Variants in TJP2 observed in about 807,000 individuals in gnomAD.
The protein encoded by TJP2 is Friedreich ataxia region gene X104 (tight junction protein ZO-2).
A neutral mutation model predicts 133.1 loss-of-function variants in TJP2; 91 were observed. That is an observed-to-expected ratio of 0.68 (90% CI 0.58 to 0.81). The LOEUF (loss-of-function observed/expected upper bound fraction) is 0.81. Ranked by LOEUF, TJP2 falls within the 40% of genes least tolerant of loss-of-function variation. The pLI, the probability that TJP2 is intolerant of heterozygous loss-of-function variation, is 0.00. For missense variants in TJP2, 1,541 were observed against 1,565.6 expected (o/e 0.98, Z 0.26); for synonymous variants, 592 against 583.4 (o/e 1.01, Z -0.21).
At chr9:69,173,554 AT>A (rs970661001), upstream of TJP2, among the ~76,000 whole-genome samples, 4 of 152,156 alleles carry the variant, frequency 2.6e-5, no homozygotes, top group African/African-American at 9.7e-5. Flanking sequence ...CCTGGAATAT[AT>A]TGTCCTGAAA....
At chr9:69,214,987 TAAGA>T (rs1342039289) in intron 2 of TJP2, among the ~76,000 whole-genome samples, 1 of 152,020 alleles carries the variant, frequency 6.6e-6, no homozygotes. Context: ...TAGGCAGACA[TAAGA>T]AAGAACGAAA....
intron 1 of TJP2, among the ~76,000 whole-genome samples, chr9:69,141,887 C>T (rs993760785): frequency 4.6e-5 from 7 of 152,234 alleles, no homozygotes; most frequent in African/African-American, 1.7e-4. Context: ...CAGCACCTGG[C>T]TGCATTTATT....
chr9:69,237,202 C>T (rs1830252321), intron 14 of TJP2, 66 bp downstream of exon 14: 1 of 1,580,694 alleles, frequency 6.3e-7, no homozygotes. Context: ...CCTTTATTTT[C>T]AGACTGTATG....
intron 19 of TJP2, chr9:69,248,787 A>T: frequency 5.0e-6 from 5 of 994,542 alleles, no homozygotes; most frequent in Non-Finnish European, 6.0e-6. Context: ...TTGAAATCAC[A>T]TTGACAGGCA....
intron 2 of TJP2, among the ~76,000 whole-genome samples, chr9:69,159,141 C>CA (rs923883295): frequency 4.0e-5 from 6 of 151,062 alleles, no homozygotes; most frequent in Non-Finnish European, 8.8e-5. Flanking sequence ...TCTGTCTCTA[C>CA]AAAAAATACC....
chr9:69,253,131 T>TTC, intron 22 of TJP2: 1 of 573,752 alleles, frequency 1.7e-6, no homozygotes, highest in Non-Finnish European at 3.1e-6. Context: ...TCATTGATGT[T>TTC]TCCAGCCAGT....
intron 18 of TJP2, among the ~76,000 whole-genome samples, 159 bp downstream of exon 18, chr9:69,246,949 A>G (rs1374591862): frequency 6.6e-6 from 1 of 152,234 alleles, no homozygotes; most frequent in East Asian, 1.9e-4. Context: ...CAAGTAATAA[A>G]AATGAAGGGA....
chr9:69,245,602 G>A (rs1830867831), intron 17 of TJP2, among the ~76,000 whole-genome samples: 1 of 152,186 alleles, frequency 6.6e-6, no homozygotes, highest in African/African-American at 2.4e-5. Context: ...GGCTCTGAAA[G>A]CAGTTTTCTG....
rs766041544 is a variant in TJP2 at position 69,254,405 on chromosome 9, C to T, written c.*31C>T. ...TGAGCACGGACTCTCCCAGGCCTGC[C>T]TGCATGGCATCAGACTAGCCACTCC... On this transcript the variant is annotated 3_prime_UTR_variant, in exon 23 of 23. Coordinates refer to ENST00000377245, the MANE Select transcript of TJP2 (RefSeq NM_004817.4). The T allele has an allele frequency of 6.2e-7, 1 of 1,612,868 alleles. No individual in the cohort carries two copies. The highest frequency in any genetic ancestry group is 8.5e-7 in the Non-Finnish European group (1 of 1,179,996).
intron 1 of TJP2, among the ~76,000 whole-genome samples, chr9:69,186,407 A>G (rs1015078702): frequency 2.0e-5 from 3 of 152,228 alleles, no homozygotes; most frequent in African/African-American, 7.2e-5. Flanking sequence ...ATAACCAGTG[A>G]CTATTTCAGC....
At chr9:69,159,937 TAG>T (rs1823983187) in intron 2 of TJP2, among the ~76,000 whole-genome samples, 1 of 150,548 alleles carries the variant, frequency 6.6e-6, no homozygotes, top group Non-Finnish European at 1.5e-5. Context: ...TTTTTTTTCC[TAG>T]AGTGTGTATA....
rs551026648 is a variant in TJP2 at position 69,175,984 on chromosome 9, T to G, written c.60+1552T>G. Reference sequence around the variant, plus strand: ...CCAGTCACTGTGGGGGATACAAAGATGAACAAGATTCAATTTCTGCATTTA... The same window carrying G: ...CCAGTCACTGTGGGGGATACAAAGAGGAACAAGATTCAATTTCTGCATTTA... On this transcript the variant is annotated intron_variant, in intron 1 of 22. Transcript: ENST00000377245. Among the ~76,000 whole-genome samples, 15 of 152,310 alleles carry G rather than the reference T, an allele frequency of 9.8e-5. No individual in the cohort carries two copies. The South Asian group carries it at 3.1e-3, about 32-fold the overall frequency.
rs749467168 is a variant in TJP2, at chr9:69,254,299, C to T, written c.3498C>T (p.Tyr1166=). Residue 1166 remains tyrosine (Y), a synonymous_variant, in exon 23 of 23, where the codon TAC becomes TAT. Coordinates refer to ENST00000377245, the MANE Select transcript of TJP2 (RefSeq NM_004817.4). ...GCAGTGATGCCGAGGAGGAGGAGTA[C>T]CGCCAGCAGCTGTCAGAACACTCCA... ...SYGSDAEEEE[Y]RQQLSEHSKR... The T allele has an allele frequency of 6.2e-7, 1 of 1,614,256 alleles. No individual in the cohort carries two copies. The highest frequency in any genetic ancestry group is 1.7e-5 in the Admixed American group (1 of 60,032).
chr9:69,235,714 C>G (rs7048519), intron 12 of TJP2, among the ~76,000 whole-genome samples: 1 of 152,136 alleles, frequency 6.6e-6, no homozygotes, highest in Non-Finnish European at 1.5e-5. Context: ...GGAGGGCGAT[C>G]TTCTTTGCTC....
chr9:69,200,885 A>G (rs1588038938), intron 1 of TJP2, among the ~76,000 whole-genome samples: 1 of 152,122 alleles, frequency 6.6e-6, no homozygotes, highest in East Asian at 1.9e-4. Context: ...CTGCCATCCC[A>G]TGGCACTTAT....
In TJP2 at chr9:69,240,031, C is replaced by T; in HGVS notation, c.2450C>T (p.Ser817Phe). Residue 817 changes from serine to phenylalanine, a missense_variant, in exon 17 of 23, where the codon TCC becomes TTC. Transcript: ENST00000377245. ...FPIVIFFNPD[S>F]RQGVKTMRQR... ...ATTGTGATTTTTTTCAACCCAGACTCCAGACAAGGTGTCAAAACCATGAGA... is the reference window on the plus strand; with the variant it reads ...ATTGTGATTTTTTTCAACCCAGACTTCAGACAAGGTGTCAAAACCATGAGA... 2 of 1,614,092 alleles carry T rather than the reference C, an allele frequency of 1.2e-6. No individual in the cohort carries two copies. The highest frequency in any genetic ancestry group is 1.7e-6 in the Non-Finnish European group (2 of 1,180,008).
intron 13 of TJP2, 84 bp from the exon 14 acceptor site, chr9:69,236,865 A>G: frequency 6.7e-7 from 1 of 1,498,120 alleles, no homozygotes; most frequent in South Asian, 1.1e-5. Flanking sequence ...GCTCAGAAGT[A>G]AAATTGACTG....
At chr9:69,229,455 T>C (rs1829603629) in intron 10 of TJP2, among the ~76,000 whole-genome samples, 2 of 152,228 alleles carry the variant, frequency 1.3e-5, no homozygotes, top group Admixed American at 6.5e-5. Context: ...AACTTTGTGA[T>C]GTTAATGTTG....
intron 19 of TJP2, chr9:69,248,707 T>C: frequency 1.0e-6 from 1 of 1,002,558 alleles, no homozygotes; most frequent in Non-Finnish European, 1.2e-6. Flanking sequence ...ATTGAGTTCA[T>C]GATCAAACCT....
Sources: allele counts gnomAD v4.1 joint callset (sites outside exome capture counted in the v4.1 genomes callset), GRCh38; gene constraint gnomAD v4.1.1; transcripts MANE v1.5; gene names NCBI Gene and HGNC (gene_info 2026-07-23, HGNC 2026-07-21).